Variants in CCSER1 observed in about 807,000 individuals in gnomAD.
CCSER1 encodes the protein serine-rich coiled-coil domain-containing protein 1.
In CCSER1, 41 loss-of-function variants were observed where a neutral mutation model predicts 82.0. The observed-to-expected ratio is 0.50, with a 90% CI of 0.39 to 0.65. The LOEUF is 0.65. Ranked by LOEUF, CCSER1 falls within the 30% of genes least tolerant of loss-of-function variation. The probability of loss-of-function intolerance (pLI) is 0.00; values close to 1 mark genes in which losing one functional copy is unlikely to be tolerated. For synonymous variants in CCSER1, 414 were observed against 383.9 expected (o/e 1.08, Z -0.92); for missense variants, 1,119 against 1,064.2 (o/e 1.05, Z -0.72).
intron 9 of CCSER1, among the ~76,000 whole-genome samples, chr4:91,043,404 G>C (rs573298520): frequency 6.6e-6 from 1 of 151,742 alleles, no homozygotes; most frequent in Middle Eastern, 3.2e-3. Flanking sequence ...AATCCAGCAG[G>C]GTCCATTTCT....
chr4:91,328,681 TATAAA>T (rs1367016499), intron 10 of CCSER1, among the ~76,000 whole-genome samples: 12 of 152,174 alleles, frequency 7.9e-5, no homozygotes, highest in South Asian at 2.1e-4. Flanking sequence ...AAAGGGACCC[TATAAA>T]ATAAAATAAA....
At chr4:90,485,421 G>A (rs758517180) in intron 5 of CCSER1, among the ~76,000 whole-genome samples, 1 of 151,982 alleles carries the variant, frequency 6.6e-6, no homozygotes, top group Non-Finnish European at 1.5e-5. Flanking sequence ...AGATGAACCT[G>A]GTACCTCACT....
intron 5 of CCSER1, among the ~76,000 whole-genome samples, chr4:90,587,465 C>G (rs1355514129): frequency 6.6e-6 from 1 of 152,112 alleles, no homozygotes; most frequent in Non-Finnish European, 1.5e-5. Flanking sequence ...CAAAAATTAG[C>G]CAGGCATGGT....
intron 6 of CCSER1, among the ~76,000 whole-genome samples, chr4:90,669,211 T>A (rs1222280654): frequency 6.6e-6 from 1 of 152,104 alleles, no homozygotes; most frequent in Non-Finnish European, 1.5e-5. Context: ...GTCATCTCCT[T>A]CTTTCTCTTC....
At chr4:91,105,478 G>T (rs1294722888) in intron 10 of CCSER1, among the ~76,000 whole-genome samples, 1 of 152,074 alleles carries the variant, frequency 6.6e-6, no homozygotes, top group East Asian at 1.9e-4. Context: ...GGCAGAGGTG[G>T]GCGGATCACA....
At position 90,308,114 on chromosome 4, in the gene CCSER1, T is replaced by G. The variant is rs1579092331; in HGVS notation, c.-41-130T>G. On this transcript the variant is annotated intron_variant, in intron 1 of 10. Transcript: ENST00000509176. The stretch of plus-strand genomic sequence containing the variant: ...CAAAAAATCTTTATTAGGTATCAGA[T>G]TTTTGTTATTTATCGTCTTAGTATA... 1.3e-5 allele frequency: 8 copies of G among 635,628 alleles called. No individual in the cohort carries two copies. In the East Asian group the frequency reaches 2.2e-4, roughly 17 times the overall value. 39.4% of individuals were successfully genotyped at this position (635,628 alleles called of 1,614,324 possible). A position where few individuals can be genotyped will look rare whatever the true frequency, so the allele number is the denominator to read the frequency against.
At chr4:90,279,601 G>A (rs1163074982) in intron 1 of CCSER1, among the ~76,000 whole-genome samples, 2 of 151,954 alleles carry the variant, frequency 1.3e-5, no homozygotes, top group African/African-American at 4.8e-5. Flanking sequence ...GCTTCTCGCT[G>A]CACTGTTTTC....
chr4:91,270,561 G>A (rs1385725971), intron 10 of CCSER1, among the ~76,000 whole-genome samples: 1 of 152,222 alleles, frequency 6.6e-6, no homozygotes, highest in Middle Eastern at 3.4e-3. Flanking sequence ...AGTGAAGACA[G>A]TTTATAACAG....
At chr4:90,349,948 A>G (rs1743129914) in intron 3 of CCSER1, among the ~76,000 whole-genome samples, 10 of 152,128 alleles carry the variant, frequency 6.6e-5, no homozygotes, top group Admixed American at 6.6e-4. Flanking sequence ...ATAATCATAA[A>G]CACTACTCCA....
Position 91,602,493 on chromosome 4 carries a change from G to C in CCSER1, c.*3436G>C, listed in dbSNP as rs182495961. 1.3e-5 allele frequency among the ~76,000 whole-genome samples: 2 copies of C among 152,130 alleles called. No individual in the cohort carries two copies. Among genetic ancestry groups the C allele is most frequent in the Admixed American group, 1.3e-4 (2 of 15,244 alleles). On this transcript the variant is annotated 3_prime_UTR_variant, in exon 11 of 11. Transcript: ENST00000509176. ...AGTTGTTGATTAAACAGTAGGAACAGTTTGCTGAATGGTTAGGATTATCTC... is the reference window on the plus strand; with the variant it reads ...AGTTGTTGATTAAACAGTAGGAACACTTTGCTGAATGGTTAGGATTATCTC...
intron 8 of CCSER1, among the ~76,000 whole-genome samples, chr4:90,903,275 G>A (rs542282490): frequency 6.6e-6 from 1 of 152,142 alleles, no homozygotes; most frequent in East Asian, 1.9e-4. Context: ...CTATTCTCGT[G>A]GTAGTGAATA....
chr4:90,275,541 T>G (rs1302111233), intron 1 of CCSER1, among the ~76,000 whole-genome samples: 1 of 152,136 alleles, frequency 6.6e-6, no homozygotes, highest in East Asian at 1.9e-4. Flanking sequence ...GACTGTGTAA[T>G]TTACAGTGTC....
chr4:91,402,124 G>A (rs1752380357), intron 10 of CCSER1, among the ~76,000 whole-genome samples: 6 of 152,176 alleles, frequency 3.9e-5, no homozygotes, highest in Admixed American at 3.9e-4. Context: ...TTGTGGTTTT[G>A]ATTTGCATTT....
At chr4:90,767,584 T>C (rs190120159) in intron 7 of CCSER1, among the ~76,000 whole-genome samples, 108 of 152,332 alleles carry the variant, frequency 7.1e-4, no homozygotes, top group Non-Finnish European at 1.2e-3. Context: ...ATAATTTTTA[T>C]AAAGTTAGAT....
intron 10 of CCSER1, among the ~76,000 whole-genome samples, chr4:91,219,689 C>G (rs1737584391): frequency 1.3e-5 from 2 of 152,132 alleles, no homozygotes; most frequent in African/African-American, 4.8e-5. Flanking sequence ...TTTCTCTGAG[C>G]TACATTCACT....
chr4:90,169,431 A>G (rs1731210953), intron 1 of CCSER1, among the ~76,000 whole-genome samples: 1 of 152,066 alleles, frequency 6.6e-6, no homozygotes, highest in Admixed American at 6.6e-5. Flanking sequence ...AACAGGGACA[A>G]TTTGACTTCC....
At chr4:90,749,105 C>A (rs993172233) in intron 7 of CCSER1, among the ~76,000 whole-genome samples, 8 of 151,848 alleles carry the variant, frequency 5.3e-5, no homozygotes, top group Non-Finnish European at 8.8e-5. Context: ...GACATGAAGT[C>A]CTTGCGCATG....
intron 6 of CCSER1, among the ~76,000 whole-genome samples, chr4:90,670,728 G>A (rs1732640512): frequency 6.6e-6 from 1 of 151,982 alleles, no homozygotes; most frequent in Non-Finnish European, 1.5e-5. Context: ...ATTTCACAAT[G>A]TTCAATCATT....
chr4:91,245,711 T>C (rs1739718253), intron 10 of CCSER1, among the ~76,000 whole-genome samples: 1 of 152,118 alleles, frequency 6.6e-6, no homozygotes, highest in Non-Finnish European at 1.5e-5. Context: ...TGTTTGTTTG[T>C]TTGAGATGGA....
Sources: allele counts gnomAD v4.1 joint callset (sites outside exome capture counted in the v4.1 genomes callset), GRCh38; gene constraint gnomAD v4.1.1; transcripts MANE v1.5; gene names NCBI Gene and HGNC (gene_info 2026-07-23, HGNC 2026-07-21).